Variants in HPSE2 observed in about 807,000 individuals in gnomAD.
HPSE2 encodes the protein heparanase 2 (inactive).
HPSE2 carries 38 observed loss-of-function variants against 60.5 expected under a neutral mutation model. That is an observed-to-expected ratio of 0.63 (90% confidence interval 0.48 to 0.82). HPSE2 has a LOEUF of 0.82. Among genes scored for constraint, HPSE2 ranks in the 40% least tolerant of loss-of-function variants. The pLI, the probability that HPSE2 is intolerant of heterozygous loss-of-function variation, is 0.00. For synonymous variants in HPSE2, 295 were observed against 293.2 expected (o/e 1.01, Z -0.06); for missense variants, 713 against 740.4 (o/e 0.96, Z 0.43).
chr10:98,940,736 G>C (rs1444324841), intron 3 of HPSE2, among the ~76,000 whole-genome samples: 1 of 142,458 alleles, frequency 7.0e-6, no homozygotes, highest in South Asian at 2.1e-4. Flanking sequence ...CATTTTATAA[G>C]GCCAGCATCA....
At chr10:98,544,441 T>A (rs1269133247) in intron 9 of HPSE2, among the ~76,000 whole-genome samples, 1 of 151,998 alleles carries the variant, frequency 6.6e-6, no homozygotes, top group Non-Finnish European at 1.5e-5. Flanking sequence ...CCGGGCGCGG[T>A]GGCTCACGCC....
intron 3 of HPSE2, among the ~76,000 whole-genome samples, chr10:99,005,227 A>G (rs1956864189): frequency 1.3e-5 from 2 of 149,988 alleles, no homozygotes; most frequent in South Asian, 4.3e-4. Flanking sequence ...TTCTGTTACT[A>G]TTTCTTTCAG....
intron 4 of HPSE2, among the ~76,000 whole-genome samples, chr10:98,736,018 T>A (rs1396146195): frequency 6.6e-6 from 1 of 152,082 alleles, no homozygotes; most frequent in Non-Finnish European, 1.5e-5. Flanking sequence ...AGGGGTAGAA[T>A]GATATGGTTT....
chr10:99,029,186 G>A (rs978454972), intron 3 of HPSE2, among the ~76,000 whole-genome samples: 2 of 152,130 alleles, frequency 1.3e-5, no homozygotes, highest in African/African-American at 4.8e-5. Context: ...TCAATAAAGT[G>A]AAGAGACAAA....
Position 98,721,654 on chromosome 10 carries a change from T to C in HPSE2, c.956+3A>G. Reference sequence around the variant, plus strand: ...ATAAGAAAAGCTAAATAATCTGACCTACCCATCTAGGAGGGCGATGACATT... The same window carrying C: ...ATAAGAAAAGCTAAATAATCTGACCCACCCATCTAGGAGGGCGATGACATT... On this transcript the variant is annotated splice_donor_region_variant and intron_variant, in intron 5 of 11. Coordinates refer to ENST00000370552, the MANE Select transcript of HPSE2 (RefSeq NM_021828.5). 3 of 1,613,008 alleles carry C rather than the reference T, an allele frequency of 1.9e-6. No individual in the cohort carries two copies. The highest frequency in any genetic ancestry group is 2.5e-6 in the Non-Finnish European group (3 of 1,179,472).
At chr10:98,656,889 G>A (rs577118166) in intron 6 of HPSE2, among the ~76,000 whole-genome samples, 25 of 151,860 alleles carry the variant, frequency 1.6e-4, no homozygotes, top group African/African-American at 6.0e-4. Flanking sequence ...AGCCTCCTGA[G>A]TAGCTGGGAT....
Position 98,485,791 on chromosome 10 carries a change from C to CCTTT in HPSE2, c.1467-3010_1467-3009insAAAG, listed in dbSNP as rs546774952. Among the ~76,000 whole-genome samples the CCTTT allele has an allele frequency of 1.2e-3, 183 of 152,310 alleles. 1 individual carries two copies. The highest frequency in any genetic ancestry group is 4.1e-3 in the African/African-American group (172 of 41,564). On this transcript the variant is annotated intron_variant, in intron 10 of 11. Coordinates refer to ENST00000370552, the MANE Select transcript of HPSE2 (RefSeq NM_021828.5). ...TTGCTAGCTACCATCAAACAACACT[C>CCTTT]TCAAAGGCCAGCAGTGGAGGAGGAG...
At chr10:98,964,505 C>T (rs1024272726) in intron 3 of HPSE2, among the ~76,000 whole-genome samples, 2 of 151,716 alleles carry the variant, frequency 1.3e-5, no homozygotes, top group Non-Finnish European at 2.9e-5. Context: ...CTTAATGCAC[C>T]TTCCTTCCTT....
At chr10:99,208,766 G>C (rs1183219613) in intron 2 of HPSE2, among the ~76,000 whole-genome samples, 1 of 151,892 alleles carries the variant, frequency 6.6e-6, no homozygotes, top group Non-Finnish European at 1.5e-5. Flanking sequence ...GCCTACAAGA[G>C]ACTTACTTCT....
intron 5 of HPSE2, among the ~76,000 whole-genome samples, chr10:98,698,827 G>C (rs1191387290): frequency 4.6e-5 from 7 of 152,194 alleles, no homozygotes; most frequent in Non-Finnish European, 7.3e-5. Flanking sequence ...CAATCCCACA[G>C]AAATACAAAC....
chr10:99,070,799 TC>T (rs939191619), intron 3 of HPSE2, among the ~76,000 whole-genome samples: 7 of 152,222 alleles, frequency 4.6e-5, no homozygotes, highest in African/African-American at 1.7e-4. Flanking sequence ...TAGCATAATG[TC>T]CTCCAGTTTC....
At chr10:98,766,569 G>T (rs2489839) in intron 3 of HPSE2, among the ~76,000 whole-genome samples, 4 of 152,134 alleles carry the variant, frequency 2.6e-5, no homozygotes, top group African/African-American at 9.7e-5. Context: ...ACAAATGTAA[G>T]GAAAAATAAC....
At chr10:99,216,457 A>T (rs1191135409) in intron 2 of HPSE2, among the ~76,000 whole-genome samples, 1 of 147,704 alleles carries the variant, frequency 6.8e-6, no homozygotes, top group African/African-American at 2.5e-5. Flanking sequence ...GGCCTCCCAA[A>T]GTGCTGGGAT....
chr10:98,718,986 CA>C (rs1948856251), intron 5 of HPSE2, among the ~76,000 whole-genome samples: 1 of 152,030 alleles, frequency 6.6e-6, no homozygotes, highest in East Asian at 1.9e-4. Flanking sequence ...TAAATATGTA[CA>C]ACAAATACGT....
At chr10:98,896,599 G>A (rs766059960) in intron 3 of HPSE2, among the ~76,000 whole-genome samples, 8 of 152,024 alleles carry the variant, frequency 5.3e-5, no homozygotes, top group Non-Finnish European at 1.2e-4. Flanking sequence ...AGAAAGAAAA[G>A]CAATTTAAGC....
chr10:98,900,459 G>A lies in HPSE2; in HGVS notation c.611-156403C>T, dbSNP rs190426219. On this transcript the variant is annotated intron_variant, in intron 3 of 11. Transcript: ENST00000370552. Reference sequence around the variant, plus strand: ...TGGTAAGAGGCGTGAGAAAACTTTGGGGGATGATGGATATACAGTACATGT... The same window carrying A: ...TGGTAAGAGGCGTGAGAAAACTTTGAGGGATGATGGATATACAGTACATGT... Among the ~76,000 whole-genome samples the A allele has an allele frequency of 8.0e-4, 122 of 152,170 alleles. 1 individual carries two copies. Among genetic ancestry groups the A allele is most frequent in the African/African-American group, 2.8e-3 (115 of 41,516 alleles).
chr10:99,204,068 C>A (rs1848663660), intron 2 of HPSE2, among the ~76,000 whole-genome samples: 1 of 152,196 alleles, frequency 6.6e-6, no homozygotes. Context: ...GAGCCAGGTA[C>A]ATCCCAGCAC....
chr10:98,536,336 G>A (rs1943282142), intron 9 of HPSE2, among the ~76,000 whole-genome samples: 1 of 152,176 alleles, frequency 6.6e-6, no homozygotes, highest in South Asian at 2.1e-4. Context: ...TTTCTTTATT[G>A]CTTTATTTTA....
intron 3 of HPSE2, among the ~76,000 whole-genome samples, chr10:98,901,659 T>C (rs1337981918): frequency 6.6e-6 from 1 of 152,174 alleles, no homozygotes; most frequent in East Asian, 1.9e-4. Flanking sequence ...AGCCTTCAAA[T>C]ATTAAAAGCT....
Sources: allele counts gnomAD v4.1 joint callset (sites outside exome capture counted in the v4.1 genomes callset), GRCh38; gene constraint gnomAD v4.1.1; transcripts MANE v1.5; gene names NCBI Gene and HGNC (gene_info 2026-07-23, HGNC 2026-07-21).